Variants in GMDS observed in about 807,000 individuals in gnomAD.
The protein encoded by GMDS is GDP-mannose 4,6-dehydratase.
A neutral mutation model predicts 49.9 loss-of-function variants in GMDS; 20 were observed. The observed-to-expected ratio is 0.40, with a 90% CI of 0.28 to 0.58. The LOEUF is 0.58. Among genes scored for constraint, GMDS ranks in the 20% least tolerant of loss-of-function variants. The pLI is 0.42. For missense variants in GMDS, 362 were observed against 481.4 expected, an observed-to-expected ratio of 0.75 and a Z score of 2.32; for synonymous variants, 177 against 178.6, an observed-to-expected ratio of 0.99 and a Z score of 0.07.
chr6:1,665,099 A>AT (rs1032555733), intron 9 of GMDS, among the ~76,000 whole-genome samples: 1 of 151,936 alleles, frequency 6.6e-6, no homozygotes, highest in African/African-American at 2.4e-5. Context: ...ATACTTTTTA[A>AT]TTTTTTTTAT....
chr6:1,895,823 A>C (rs1435589155), intron 7 of GMDS, among the ~76,000 whole-genome samples: 5 of 152,148 alleles, frequency 3.3e-5, no homozygotes, highest in Non-Finnish European at 7.4e-5. Flanking sequence ...ACCACCAGAT[A>C]CAGAGACAGA....
At chr6:2,002,031 T>C (rs1039361966) in intron 4 of GMDS, among the ~76,000 whole-genome samples, 11 of 152,168 alleles carry the variant, frequency 7.2e-5, no homozygotes, top group African/African-American at 2.7e-4. Flanking sequence ...TACTCTCAGA[T>C]GGTTTCCAAG....
intron 1 of GMDS, among the ~76,000 whole-genome samples, chr6:2,164,583 G>A (rs536415072): frequency 6.6e-6 from 1 of 152,150 alleles, no homozygotes. Flanking sequence ...TTTAGGGTTC[G>A]ATATCCCCAG....
In GMDS at chr6:1,635,640, G is replaced by C. The variant is rs1352642790; in HGVS notation, c.988-11100C>G. ...CGGGGCCAGCCTCACTGACAAGGCT[G>C]AGGGTCTGTGCTGTGCAAAGCCCAC... is the stretch of plus-strand genomic sequence containing the variant. On this transcript the variant is annotated intron_variant, in intron 9 of 10. Transcript: ENST00000380815. This position sits in a 1 kb window ranked among gnomAD's most constrained non-coding sequence, Gnocchi z 4.7. Among the ~76,000 whole-genome samples, 1 of 152,220 alleles carries C rather than the reference G, an allele frequency of 6.6e-6. No homozygotes were observed. Among genetic ancestry groups the C allele is most frequent in the Non-Finnish European group, 1.5e-5 (1 of 68,048 alleles).
At chr6:2,171,684 G>A (rs996979014) in intron 1 of GMDS, among the ~76,000 whole-genome samples, 2 of 152,100 alleles carry the variant, frequency 1.3e-5, no homozygotes, top group Non-Finnish European at 2.9e-5. Context: ...ATCATCCTAA[G>A]GACTCAGAAA....
At chr6:2,230,146 A>G (rs1781019273) in intron 1 of GMDS, among the ~76,000 whole-genome samples, 1 of 151,556 alleles carries the variant, frequency 6.6e-6, no homozygotes, top group African/African-American at 2.4e-5. Flanking sequence ...CTACCACAGG[A>G]TTAATTCCTG....
chr6:1,623,903 A>T lies in GMDS; in HGVS notation c.*266T>A. ...TAACAACATAATTTCAAGTAAAGTG[A>T]ATGTGATTAAAACATCTTGATTTCA... On this transcript the variant is annotated 3_prime_UTR_variant, in exon 11 of 11. Coordinates refer to ENST00000380815, the MANE Select transcript of GMDS (RefSeq NM_001500.4). The T allele has an allele frequency of 2.1e-6, 1 of 467,596 alleles. No individual in the cohort carries two copies. Among genetic ancestry groups the T allele is most frequent in the Non-Finnish European group, 3.8e-6 (1 of 265,264 alleles). 29.0% of individuals were successfully genotyped at this position (467,596 alleles called of 1,614,324 possible).
intron 7 of GMDS, among the ~76,000 whole-genome samples, chr6:1,817,356 C>T (rs866081142): frequency 3.9e-5 from 6 of 152,210 alleles, no homozygotes; most frequent in South Asian, 2.1e-4. Flanking sequence ...CTTCCCCCCA[C>T]GTATAATAAC....
At chr6:1,771,922 C>T (rs1186737218) in intron 7 of GMDS, among the ~76,000 whole-genome samples, 5 of 152,166 alleles carry the variant, frequency 3.3e-5, no homozygotes, top group Non-Finnish European at 7.3e-5. Flanking sequence ...AGGAGGCAAT[C>T]AGTCTCAGGA....
chr6:1,928,305 C>T (rs1467905389), intron 7 of GMDS, among the ~76,000 whole-genome samples: 1 of 149,906 alleles, frequency 6.7e-6, no homozygotes, highest in Non-Finnish European at 1.5e-5. Flanking sequence ...GCAGAGGTTG[C>T]AGTGAGCCAA....
At chr6:1,786,680 G>T (rs998783211) in intron 7 of GMDS, among the ~76,000 whole-genome samples, 12 of 152,188 alleles carry the variant, frequency 7.9e-5, no homozygotes, top group Non-Finnish European at 1.3e-4. Context: ...TCGAAGCAAT[G>T]CTGCCCACAC....
chr6:2,237,713 G>T lies in GMDS; in HGVS notation c.102+7608C>A, dbSNP rs146027066. On this transcript the variant is annotated intron_variant, in intron 1 of 10. Transcript: ENST00000380815. The stretch of plus-strand genomic sequence containing the variant: ...ATTTTTGTATTTTTAGTAGAGATGG[G>T]GTTTCTCCACGTTGGCCAGGGTAGT... 5.1e-4 allele frequency among the ~76,000 whole-genome samples: 77 copies of T among 151,848 alleles called. 1 individual carries two copies. The highest frequency in any genetic ancestry group is 1.7e-3 in the African/African-American group (70 of 41,404).
chr6:1,956,904 C>T (rs1435854154), intron 6 of GMDS, among the ~76,000 whole-genome samples: 1 of 151,748 alleles, frequency 6.6e-6, no homozygotes, highest in Non-Finnish European at 1.5e-5. Flanking sequence ...TGGGTTCACA[C>T]CATTCTCCTG....
At chr6:1,632,744 T>C (rs1175376055) in intron 9 of GMDS, among the ~76,000 whole-genome samples, 1 of 152,148 alleles carries the variant, frequency 6.6e-6, no homozygotes, top group East Asian at 1.9e-4. Context: ...CTGGGTGTGG[T>C]GGCACTTGCC....
chr6:1,950,445 T>C (rs542789037), intron 6 of GMDS, among the ~76,000 whole-genome samples: 2 of 152,348 alleles, frequency 1.3e-5, no homozygotes, highest in South Asian at 4.1e-4. Context: ...CAAACCCATC[T>C]TGACTTGGCT....
intron 9 of GMDS, among the ~76,000 whole-genome samples, chr6:1,638,854 C>A (rs1322016093): frequency 2.0e-5 from 3 of 152,078 alleles, no homozygotes; most frequent in African/African-American, 7.2e-5. Context: ...GTCAATGGGA[C>A]CTGCATGAGT....
chr6:1,966,021 CATTT>C (rs1318451224), intron 4 of GMDS, among the ~76,000 whole-genome samples: 4 of 152,280 alleles, frequency 2.6e-5, no homozygotes, highest in South Asian at 2.1e-4. Flanking sequence ...TATAAACATT[CATTT>C]GTTTACAGGT....
intron 1 of GMDS, among the ~76,000 whole-genome samples, chr6:2,218,494 C>T (rs1780438525): frequency 6.6e-6 from 1 of 152,136 alleles, no homozygotes; most frequent in Non-Finnish European, 1.5e-5. Flanking sequence ...TATATTGTTT[C>T]TTGGACTAAG....
At chr6:1,914,131 G>GTTTTTT (rs563808537) in intron 7 of GMDS, among the ~76,000 whole-genome samples, 48 of 77,840 alleles carry the variant, frequency 6.2e-4, no homozygotes, top group East Asian at 1.9e-3. Flanking sequence ...TTTTTTGTTT[G>GTTTTTT]TTTTTTTTTT....
Sources: gnomAD v4.1 joint callset for allele counts (sites outside exome capture counted in the v4.1 genomes callset) on GRCh38, gnomAD v4.1.1 for gene constraint, Gnocchi (gnomAD v3.1) non-coding constraint, MANE v1.5 for transcripts, NCBI Gene and HGNC (gene_info 2026-07-23, HGNC 2026-07-21) for gene names.